The following STIM2 variants were observed in gnomAD, a reference collection of about 807,000 sequenced individuals.
STIM2 encodes the protein stromal interaction molecule 2.
In STIM2, 31 loss-of-function variants were observed where a neutral mutation model predicts 85.8. The observed-to-expected ratio is 0.36, with a 90% CI of 0.27 to 0.49. The LOEUF is 0.49. STIM2 is among the 20% of genes least tolerant of loss of function. STIM2 has a pLI of 0.98. For synonymous variants in STIM2, 356 were observed against 331.1 expected, an observed-to-expected ratio of 1.08 and a Z score of -0.82; for missense variants, 841 against 927.6, an observed-to-expected ratio of 0.91 and a Z score of 1.21.
chr4:26,995,446 G>A lies in STIM2; in HGVS notation c.465G>A (p.Glu155=). The A allele has an allele frequency of 6.2e-7, 1 of 1,602,694 alleles. No individual in the cohort carries two copies. Among genetic ancestry groups the A allele is most frequent in the Non-Finnish European group, 8.5e-7 (1 of 1,174,836 alleles). Residue 155 remains glutamate, a synonymous_variant, in exon 4 of 12, where the codon GAG becomes GAA. Coordinates refer to ENST00000467087, the MANE Select transcript of STIM2 (RefSeq NM_020860.4). ...AGTTTGTTGAACTACCCCAATATGAGAAGAATTTTAGAGACAACAATGTCA... is the reference window on the plus strand; with the variant it reads ...AGTTTGTTGAACTACCCCAATATGAAAAGAATTTTAGAGACAACAATGTCA...
intron 1 of STIM2, among the ~76,000 whole-genome samples, chr4:26,879,933 G>T (rs1047634905): frequency 2.0e-5 from 3 of 152,072 alleles, no homozygotes; most frequent in Admixed American, 1.3e-4. Flanking sequence ...CATCACTCTG[G>T]TCTGGGCTAC....
chr4:26,873,137 C>T (rs1722688471), intron 1 of STIM2, among the ~76,000 whole-genome samples: 1 of 152,198 alleles, frequency 6.6e-6, no homozygotes, highest in East Asian at 1.9e-4. Flanking sequence ...TGGTGGCTCA[C>T]ACCTGTAATC....
intron 3 of STIM2, among the ~76,000 whole-genome samples, chr4:26,994,943 T>C (rs1307951962): frequency 1.3e-5 from 2 of 152,134 alleles, no homozygotes; most frequent in Admixed American, 6.6e-5. Flanking sequence ...CCAAAGGAAT[T>C]TAAGTTCCAT....
At chr4:26,896,720 A>C (rs1055479097) in intron 1 of STIM2, among the ~76,000 whole-genome samples, 1 of 152,248 alleles carries the variant, frequency 6.6e-6, no homozygotes, top group Non-Finnish European at 1.5e-5. Flanking sequence ...ACAATTAAGT[A>C]AACTACAGAC....
intron 3 of STIM2, among the ~76,000 whole-genome samples, chr4:26,961,364 T>G (rs1026620349): frequency 4.6e-5 from 7 of 152,152 alleles, no homozygotes; most frequent in Non-Finnish European, 8.8e-5. Context: ...GATACCATGT[T>G]TGGAAAAGTC....
chr4:27,014,834 T>C (rs926923095), intron 10 of STIM2, among the ~76,000 whole-genome samples: 3 of 151,956 alleles, frequency 2.0e-5, no homozygotes, highest in African/African-American at 7.2e-5. Context: ...ATATAATTTG[T>C]ACTAAGTTAT....
At chr4:26,895,562 G>A (rs937248882) in intron 1 of STIM2, among the ~76,000 whole-genome samples, 6 of 152,084 alleles carry the variant, frequency 3.9e-5, no homozygotes, top group African/African-American at 9.7e-5. Flanking sequence ...CTTAAGTTGC[G>A]ATGAGAAATG....
At chr4:27,007,511 C>G (rs1470899791) in intron 7 of STIM2, 22 bp from the exon 8 acceptor site, 1 of 1,466,814 alleles carries the variant, frequency 6.8e-7, no homozygotes, top group Middle Eastern at 1.8e-4. Context: ...CCTTTCTTGC[C>G]TCCTTCCTTT....
At chr4:26,947,535 G>A (rs962231323) in intron 2 of STIM2, among the ~76,000 whole-genome samples, 1 of 152,082 alleles carries the variant, frequency 6.6e-6, no homozygotes, top group African/African-American at 2.4e-5. Context: ...CAGAAGTGTG[G>A]GACTTGGAGG....
chr4:26,876,039 A>G (rs1372105177), intron 1 of STIM2, among the ~76,000 whole-genome samples: 1 of 152,262 alleles, frequency 6.6e-6, no homozygotes, highest in East Asian at 1.9e-4. Flanking sequence ...TTAGTGGCTC[A>G]GTATCCAGTC....
rs1266230571 is a variant in STIM2, at chr4:26,981,206, G to A, written c.398-14173G>A. Among the ~76,000 whole-genome samples the A allele has an allele frequency of 2.0e-5, 3 of 152,120 alleles. No individual in the cohort carries two copies. The East Asian group carries it at 5.8e-4, about 29-fold the overall frequency. The stretch of plus-strand genomic sequence containing the variant: ...TCTCTGTCCCTAACTTTCCCTATTT[G>A]TGAAATCTCGCTAATAAGTACCCAC... On this transcript the variant is annotated intron_variant, in intron 3 of 11. Transcript: ENST00000467087.
intron 1 of STIM2, among the ~76,000 whole-genome samples, chr4:26,909,069 A>T (rs1298042031): frequency 6.6e-6 from 1 of 152,192 alleles, no homozygotes; most frequent in East Asian, 1.9e-4. Context: ...ACAGAGTGAG[A>T]CCTTGTCTCT....
chr4:26,901,814 T>G (rs1247252322), intron 1 of STIM2, among the ~76,000 whole-genome samples: 1 of 152,166 alleles, frequency 6.6e-6, no homozygotes, highest in Admixed American at 6.6e-5. Flanking sequence ...TTGGTGGTCT[T>G]TGTGAAATTC....
chr4:26,983,668 A>T (rs13140015), intron 3 of STIM2, among the ~76,000 whole-genome samples: 35,961 of 152,162 alleles, frequency 0.24, 4,449 homozygotes, highest in East Asian at 0.39. Flanking sequence ...TTGTTTGGCA[A>T]CTAGAGTGAA....
intron 1 of STIM2, among the ~76,000 whole-genome samples, chr4:26,910,671 A>T (rs1724302993): frequency 6.6e-6 from 1 of 152,228 alleles, no homozygotes; most frequent in Admixed American, 6.5e-5. Flanking sequence ...GTTAACCATG[A>T]ATATAAGTGT....
At chr4:26,905,960 G>GTA (rs962822304) in intron 1 of STIM2, among the ~76,000 whole-genome samples, 14 of 152,004 alleles carry the variant, frequency 9.2e-5, no homozygotes, top group African/African-American at 1.2e-4. Flanking sequence ...GTGTGTATAT[G>GTA]TATATATATA....
intron 11 of STIM2, chr4:27,021,389 G>A (rs919586136): frequency 1.8e-5 from 8 of 439,596 alleles, no homozygotes; most frequent in Admixed American, 4.9e-5. Context: ...AGTAACCTGC[G>A]TACCCTGGAG....
chr4:26,897,670 A>C (rs1723762472), intron 1 of STIM2, among the ~76,000 whole-genome samples: 1 of 152,204 alleles, frequency 6.6e-6, no homozygotes, highest in African/African-American at 2.4e-5. Context: ...ACATTTGAAA[A>C]CTGTAACCAC....
rs775904809 is a variant in STIM2 at position 26,919,537 on chromosome 4, C to T, written c.185C>T (p.Thr62Ile). Residue 62 changes from threonine to isoleucine, a missense_variant, in exon 2 of 12, where the codon ACA (threonine) becomes ATA (isoleucine). By Grantham distance (89) the Thr-to-Ile change is moderately conservative. Coordinates refer to ENST00000467087, the MANE Select transcript of STIM2 (RefSeq NM_020860.4). ...ATGTCACTGAGTCCACCATGCTTTA[C>T]AGAAGAAGACAGATTTAGTCTGGAA... 1 of 1,613,548 alleles carries T rather than the reference C, an allele frequency of 6.2e-7. No homozygotes were observed. Among genetic ancestry groups the T allele is most frequent in the Non-Finnish European group, 8.5e-7 (1 of 1,179,716 alleles).
Sources: allele counts gnomAD v4.1 joint callset (sites outside exome capture counted in the v4.1 genomes callset), GRCh38; gene constraint gnomAD v4.1.1; transcripts MANE v1.5; gene names NCBI Gene and HGNC (gene_info 2026-07-23, HGNC 2026-07-21).